Variants in PTPRD observed in about 807,000 individuals in gnomAD.
The protein encoded by PTPRD is receptor-type tyrosine-protein phosphatase delta.
In PTPRD, 34 loss-of-function variants were observed where a neutral mutation model predicts 214.5. The ratio of observed to expected loss-of-function variants is 0.16; its 90% CI spans 0.12 to 0.21. The LOEUF is 0.21. PTPRD is among the 10% of genes least tolerant of loss of function. PTPRD has a pLI of 1.00. For synonymous variants in PTPRD, 1,128 were observed against 845.7 expected, an observed-to-expected ratio of 1.33 and a Z score of -5.79; for missense variants, 2,545 against 2,398.7, an observed-to-expected ratio of 1.06 and a Z score of -1.27.
intron 5 of PTPRD, among the ~76,000 whole-genome samples, chr9:9,809,118 C>T (rs117479445): frequency 6.6e-6 from 1 of 151,880 alleles, no homozygotes; most frequent in African/African-American, 2.4e-5. Context: ...ACTATGTGGC[C>T]CTTCTTTTGG....
intron 14 of PTPRD, among the ~76,000 whole-genome samples, chr9:8,533,951 C>T (rs1682877453): frequency 6.6e-6 from 1 of 151,948 alleles, no homozygotes; most frequent in Admixed American, 6.6e-5. Flanking sequence ...ATTTGGCCTC[C>T]TTGAGTATCA....
chr9:9,342,465 C>A (rs139801677), intron 9 of PTPRD, among the ~76,000 whole-genome samples: 1 of 151,888 alleles, frequency 6.6e-6, no homozygotes, highest in Admixed American at 6.6e-5. Context: ...TTATAGGTGA[C>A]GAGATTAATA....
At chr9:10,536,635 G>A (rs1399813511) in intron 2 of PTPRD, among the ~76,000 whole-genome samples, 2 of 152,070 alleles carry the variant, frequency 1.3e-5, no homozygotes, top group African/African-American at 4.8e-5. Context: ...AGTTCTGAGT[G>A]TAAAAAATGC....
intron 5 of PTPRD, among the ~76,000 whole-genome samples, chr9:9,768,666 C>T (rs2098726306): frequency 6.6e-6 from 1 of 152,024 alleles, no homozygotes; most frequent in South Asian, 2.1e-4. Flanking sequence ...TCTGGCATGA[C>T]TAGAGAAACA....
intron 11 of PTPRD, among the ~76,000 whole-genome samples, chr9:8,929,811 A>ATATATGTGTGTG (rs869292218): frequency 5.5e-5 from 5 of 91,168 alleles, no homozygotes; most frequent in South Asian, 3.7e-4. Context: ...ATATATGTGT[A>ATATATGTGTGTG]TATATATGTG....
intron 5 of PTPRD, among the ~76,000 whole-genome samples, chr9:9,879,279 T>C (rs76435388): frequency 0.015 from 2,312 of 152,292 alleles, 53 homozygotes; most frequent in African/African-American, 0.053. Flanking sequence ...AGGGGCTATC[T>C]TGTGTGTAGG....
rs547858342 is a variant in PTPRD, at chr9:9,780,447, C to A, written c.-367-13596G>T. On this transcript the variant is annotated intron_variant, in intron 5 of 45. Transcript: ENST00000381196. Reference sequence around the variant, plus strand: ...CCCAATTTTCAAATGGGCAAAGCATCTGAACAGACATCTCACCAAAGAAGA... The same window carrying A: ...CCCAATTTTCAAATGGGCAAAGCATATGAACAGACATCTCACCAAAGAAGA... Among the ~76,000 whole-genome samples, 6 of 152,206 alleles carry A rather than the reference C, an allele frequency of 3.9e-5. 1 individual carries two copies. The South Asian group carries it at 8.3e-4, about 21-fold the overall frequency.
intron 9 of PTPRD, among the ~76,000 whole-genome samples, chr9:9,251,797 A>G (rs2099975585): frequency 6.6e-6 from 1 of 152,096 alleles, no homozygotes. Context: ...GATTTGAGAT[A>G]TAACTGCTCT....
At chr9:9,560,086 C>T (rs895812495) in intron 8 of PTPRD, among the ~76,000 whole-genome samples, 1 of 152,242 alleles carries the variant, frequency 6.6e-6, no homozygotes, top group Non-Finnish European at 1.5e-5. Context: ...CCAACCACAG[C>T]AGGTACTCTT....
In PTPRD at chr9:8,656,185, C is replaced by G. The variant is rs748106363; in HGVS notation, c.65-19341G>C. On this transcript the variant is annotated intron_variant, in intron 12 of 45. Coordinates refer to ENST00000381196, the MANE Select transcript of PTPRD (RefSeq NM_002839.4). ...GATGCATATTCTCTGAGACCAGATC[C>G]TGAATCAGAATGGCACAGTAAGGCC... Among the ~76,000 whole-genome samples the G allele has an allele frequency of 4.6e-5, 7 of 152,170 alleles. No homozygotes were observed. The South Asian group carries it at 1.2e-3, about 27-fold the overall frequency.
intron 9 of PTPRD, among the ~76,000 whole-genome samples, chr9:9,299,281 A>G (rs571710148): frequency 2.0e-4 from 30 of 151,900 alleles, no homozygotes; most frequent in African/African-American, 7.2e-4. Flanking sequence ...AGCAGTGGTT[A>G]TCAACCAAAG....
At chr9:8,548,170 A>C (rs779797094) in intron 14 of PTPRD, among the ~76,000 whole-genome samples, 1 of 152,208 alleles carries the variant, frequency 6.6e-6, no homozygotes, top group Non-Finnish European at 1.5e-5. Flanking sequence ...TCTAAGGTCC[A>C]GGAAAGATTA....
intron 3 of PTPRD, among the ~76,000 whole-genome samples, chr9:10,154,905 G>C (rs968739057): frequency 6.6e-6 from 1 of 151,914 alleles, no homozygotes; most frequent in African/African-American, 2.4e-5. Flanking sequence ...TGTTCTTTTT[G>C]CTTAGGATTG....
intron 11 of PTPRD, among the ~76,000 whole-genome samples, chr9:8,870,712 A>ACACACACACACACACG (rs1566745245): frequency 1.3e-5 from 2 of 151,088 alleles, no homozygotes; most frequent in Non-Finnish European, 1.5e-5. Flanking sequence ...ACACACACAC[A>ACACACACACACACACG]CACACACACA....
chr9:9,175,360 C>G (rs147971273), intron 10 of PTPRD, among the ~76,000 whole-genome samples: 110 of 151,992 alleles, frequency 7.2e-4, no homozygotes, highest in Non-Finnish European at 1.3e-3. Flanking sequence ...CGGTGGCTCA[C>G]GCTTGTAATC....
intron 3 of PTPRD, among the ~76,000 whole-genome samples, chr9:10,190,084 G>A (rs946313712): frequency 2.0e-5 from 3 of 151,912 alleles, no homozygotes; most frequent in Non-Finnish European, 2.9e-5. Context: ...AGTCAAAGTG[G>A]GGCCAGGCGC....
rs200928033 is a variant in PTPRD at position 10,090,673 on chromosome 9, A to AT, written c.-544-56884dup. Among the ~76,000 whole-genome samples the AT allele has an allele frequency of 7.4e-5, 11 of 147,872 alleles. 1 individual carries two copies. Among genetic ancestry groups the AT allele is most frequent in the Admixed American group, 2.8e-4 (4 of 14,426 alleles). On this transcript the variant is annotated intron_variant, in intron 3 of 45. Coordinates refer to ENST00000381196, the MANE Select transcript of PTPRD (RefSeq NM_002839.4). ...AGAACCAGAATAAATAAAGTAAATG[A>AT]TTTTTTTTAATGTAGAAAGCAGGAT...
intron 7 of PTPRD, among the ~76,000 whole-genome samples, chr9:9,683,052 AAGAT>A (rs1230622514): frequency 6.6e-6 from 1 of 151,806 alleles, no homozygotes; most frequent in African/African-American, 2.4e-5. Context: ...GATATTTTGA[AAGAT>A]AGGGGACTTA....
chr9:8,504,861 G>T (rs1203763762), intron 22 of PTPRD, among the ~76,000 whole-genome samples: 1 of 152,132 alleles, frequency 6.6e-6, no homozygotes, highest in East Asian at 1.9e-4. Flanking sequence ...TCAATTGGAG[G>T]CAAAGAAAAC....
Sources: allele counts gnomAD v4.1 joint callset (sites outside exome capture counted in the v4.1 genomes callset), GRCh38; gene constraint gnomAD v4.1.1; transcripts MANE v1.5; gene names NCBI Gene and HGNC (gene_info 2026-07-23, HGNC 2026-07-21).